Variants in COL24A1 observed in about 807,000 individuals in gnomAD.
COL24A1 encodes the protein collagen alpha-1(XXIV) chain.
A neutral mutation model predicts 253.9 loss-of-function variants in COL24A1; 224 were observed. The ratio of observed to expected loss-of-function variants is 0.88; its 90% CI spans 0.79 to 0.99. The LOEUF (loss-of-function observed/expected upper bound fraction) is 0.99, where lower values mean the gene tolerates loss of function less well. Among genes scored for constraint, COL24A1 ranks in the 50% least tolerant of loss-of-function variants. The pLI, the probability that COL24A1 is intolerant of heterozygous loss-of-function variation, is 0.00. For synonymous variants in COL24A1, 685 were observed against 673.7 expected, an observed-to-expected ratio of 1.02 and a Z score of -0.26; for missense variants, 2,131 against 2,068.5, an observed-to-expected ratio of 1.03 and a Z score of -0.59.
chr1:85,867,478 A>G (rs1679919198), intron 37 of COL24A1, among the ~76,000 whole-genome samples: 1 of 152,224 alleles, frequency 6.6e-6, no homozygotes, highest in Admixed American at 6.5e-5. Flanking sequence ...AAGGCAGAAT[A>G]AAACTGCCAG....
intron 1 of COL24A1, among the ~76,000 whole-genome samples, chr1:86,147,708 T>G (rs986874256): frequency 6.6e-6 from 1 of 152,240 alleles, no homozygotes; most frequent in Non-Finnish European, 1.5e-5. Flanking sequence ...CTAGTGCAGA[T>G]TGTACGTGTG....
At chr1:85,778,564 C>T (rs1017366643) in intron 52 of COL24A1, among the ~76,000 whole-genome samples, 1 of 151,614 alleles carries the variant, frequency 6.6e-6, no homozygotes, top group African/African-American at 2.4e-5. Flanking sequence ...CAGGTCTCCC[C>T]AATCCTTAAG....
At chr1:85,921,420 A>G (rs1050737305) in intron 24 of COL24A1, among the ~76,000 whole-genome samples, 15 of 152,298 alleles carry the variant, frequency 9.8e-5, no homozygotes, top group Admixed American at 7.2e-4. Context: ...GTAGGTAAAC[A>G]AAGTGGCCAA....
intron 24 of COL24A1, among the ~76,000 whole-genome samples, chr1:85,945,025 T>TG (rs1689190192): frequency 1.7e-5 from 2 of 115,400 alleles, no homozygotes; most frequent in Admixed American, 9.6e-5. Flanking sequence ...TTTTTTTTTT[T>TG]TTTTTTTTTT....
intron 6 of COL24A1, among the ~76,000 whole-genome samples, 185 bp from the exon 7 acceptor site, chr1:86,089,412 T>G (rs1012838730): frequency 6.6e-6 from 1 of 152,230 alleles, no homozygotes; most frequent in East Asian, 1.9e-4. Flanking sequence ...GCTTAATAAC[T>G]GAACTGTATT....
rs575165332 is a variant in COL24A1, at chr1:86,102,203, T to C, written c.1600-9883A>G. Among the ~76,000 whole-genome samples the C allele has an allele frequency of 2.0e-5, 3 of 152,222 alleles. No homozygotes were observed. In the South Asian group the frequency reaches 6.2e-4, roughly 32 times the overall value. ...AGTGTTTATAATATTCTCTGATGGT[T>C]ACTTGTATTTCTGTGAGGTCAGTGG... On this transcript the variant is annotated intron_variant, in intron 5 of 59. Coordinates refer to ENST00000370571, the MANE Select transcript of COL24A1 (RefSeq NM_152890.7).
intron 47 of COL24A1, among the ~76,000 whole-genome samples, chr1:85,788,707 G>A (rs146314477): frequency 6.6e-6 from 1 of 151,978 alleles, no homozygotes; most frequent in African/African-American, 2.4e-5. Flanking sequence ...TTTTACATTT[G>A]TCTTTAATCC....
chr1:85,896,491 C>T (rs1163113109), intron 28 of COL24A1, 82 bp from the exon 29 acceptor site: 20 of 1,187,600 alleles, frequency 1.7e-5, no homozygotes, highest in Non-Finnish European at 2.2e-5. Context: ...CACAGATGAA[C>T]ATGTTGATGA....
chr1:85,983,746 G>A (rs1693461459), intron 20 of COL24A1, among the ~76,000 whole-genome samples: 1 of 151,920 alleles, frequency 6.6e-6, no homozygotes, highest in Non-Finnish European at 1.5e-5. Flanking sequence ...GGGTCAGTAT[G>A]TTTGGCTGTT....
At chr1:86,037,932 T>C (rs932479526) in intron 12 of COL24A1, among the ~76,000 whole-genome samples, 22 of 152,172 alleles carry the variant, frequency 1.4e-4, no homozygotes, top group Non-Finnish European at 3.1e-4. Context: ...TCTACTGCTG[T>C]CTACTTTCTA....
intron 43 of COL24A1, among the ~76,000 whole-genome samples, chr1:85,823,956 T>A (rs188756600): frequency 7.9e-5 from 12 of 152,260 alleles, no homozygotes; most frequent in Non-Finnish European, 1.5e-4. Flanking sequence ...TTCTTTCTTT[T>A]TTTTTAATGT....
intron 33 of COL24A1, 79 bp downstream of exon 33, chr1:85,877,043 T>C: frequency 1.0e-6 from 1 of 956,498 alleles, no homozygotes; most frequent in South Asian, 1.6e-5. Context: ...TCATAGTATA[T>C]ATTTAATTAT....
chr1:86,060,341 G>A (rs1261291069), intron 8 of COL24A1, among the ~76,000 whole-genome samples: 2 of 152,058 alleles, frequency 1.3e-5, no homozygotes, highest in Non-Finnish European at 2.9e-5. Flanking sequence ...GTTTAAGTTG[G>A]CTAGATTTCT....
chr1:85,763,486 T>C (rs1667037230), intron 53 of COL24A1, among the ~76,000 whole-genome samples: 1 of 139,798 alleles, frequency 7.2e-6, no homozygotes, highest in South Asian at 2.4e-4. Flanking sequence ...AATTTTCTTT[T>C]ACTTTCTTTT....
intron 22 of COL24A1, among the ~76,000 whole-genome samples, chr1:85,969,334 G>A (rs1219404643): frequency 1.3e-5 from 2 of 151,998 alleles, no homozygotes; most frequent in Non-Finnish European, 2.9e-5. Context: ...GCCAGGCATG[G>A]TGGCTCACTC....
rs137874059 is a variant in COL24A1 at position 85,885,918 on chromosome 1, T to G, written c.2976+3642A>C. Among the ~76,000 whole-genome samples the G allele has an allele frequency of 4.6e-5, 7 of 152,326 alleles. No homozygotes were observed. The East Asian group carries it at 1.4e-3, about 29-fold the overall frequency. On this transcript the variant is annotated intron_variant, in intron 32 of 59. Coordinates refer to ENST00000370571, the MANE Select transcript of COL24A1 (RefSeq NM_152890.7). ...AATGAGAACTCTGTCTTTATGGCCT[T>G]CAGCTCTATTTGTCAGGTTTTTCTT...
intron 1 of COL24A1, among the ~76,000 whole-genome samples, chr1:86,153,417 C>T (rs560131222): frequency 6.6e-6 from 1 of 152,188 alleles, no homozygotes; most frequent in South Asian, 2.1e-4. Flanking sequence ...TGAATAAATA[C>T]GTTAATGAAT....
At chr1:85,945,019 T>TTTTTTTTTTTTTTTTTTTTTTTTTTTTG (rs1553237048) in intron 24 of COL24A1, among the ~76,000 whole-genome samples, 8 of 73,390 alleles carry the variant, frequency 1.1e-4, no homozygotes, top group Admixed American at 2.1e-4. Flanking sequence ...TTTTTTTTTT[T>TTTTTTTTTTTTTTTTTTTTTTTTTTTTG]TTTTTTTTTT....
Position 85,784,377 on chromosome 1 carries a change from A to G in COL24A1, c.4060-11T>C, listed in dbSNP as rs553587959. 5 of 1,597,208 alleles carry G rather than the reference A, an allele frequency of 3.1e-6. No homozygotes were observed. In the African/African-American group the frequency reaches 5.4e-5, roughly 17 times the overall value. On this transcript the variant is annotated splice_polypyrimidine_tract_variant and intron_variant, in intron 48 of 59. Transcript: ENST00000370571. Reference sequence around the variant, plus strand: ...TAGCCCTTGTTCACCCTATGGGTAGAACAAAGAAAAGCGATCTTTACATCA... The same window carrying G: ...TAGCCCTTGTTCACCCTATGGGTAGGACAAAGAAAAGCGATCTTTACATCA...
Sources: gnomAD v4.1 joint callset for allele counts (sites outside exome capture counted in the v4.1 genomes callset) on GRCh38, gnomAD v4.1.1 for gene constraint, MANE v1.5 for transcripts, NCBI Gene and HGNC (gene_info 2026-07-23, HGNC 2026-07-21) for gene names.